DACH1: variants seen among roughly 807,000 people sequenced by gnomAD.
The protein encoded by DACH1 is dachshund homolog 1.
Under a neutral mutation model 54.2 loss-of-function variants are expected in DACH1, and 12 were observed. The observed-to-expected ratio is 0.22, with a 90% CI of 0.14 to 0.36. DACH1 has a LOEUF of 0.36. DACH1 is among the 10% of genes least tolerant of loss of function. DACH1 has a pLI of 1.00. For synonymous variants in DACH1, 386 were observed against 366.2 expected (o/e 1.05, Z -0.62); for missense variants, 805 against 929.8 (o/e 0.87, Z 1.75).
intron 1 of DACH1, among the ~76,000 whole-genome samples, chr13:71,692,545 A>G (rs1341481162): frequency 3.2e-5 from 2 of 62,466 alleles, no homozygotes; most frequent in African/African-American, 1.5e-4. Context: ...TTTTTGACGG[A>G]GTCTTGCTCT....
intron 1 of DACH1, among the ~76,000 whole-genome samples, chr13:71,779,345 C>T (rs962919028): frequency 1.4e-5 from 2 of 147,890 alleles, no homozygotes; most frequent in Non-Finnish European, 3.0e-5. Flanking sequence ...TAACAGAAAA[C>T]GTTTTAAGAG....
chr13:71,444,426 C>A (rs372272178), intron 10 of DACH1, among the ~76,000 whole-genome samples: 2 of 151,856 alleles, frequency 1.3e-5, no homozygotes, highest in East Asian at 1.9e-4. Flanking sequence ...TTAAAAAATA[C>A]GCAATGTTTC....
At chr13:71,572,737 T>C in intron 4 of DACH1, 103 bp downstream of exon 4, 2 of 1,258,852 alleles carry the variant, frequency 1.6e-6, no homozygotes, top group South Asian at 3.3e-5. Context: ...TACTATCACT[T>C]AGCTTTTTAG....
intron 1 of DACH1, among the ~76,000 whole-genome samples, chr13:71,745,832 A>G (rs532655002): frequency 6.6e-6 from 1 of 152,354 alleles, no homozygotes; most frequent in African/African-American, 2.4e-5. Context: ...AGGGGTTACC[A>G]TGTTCCACCA....
intron 1 of DACH1, among the ~76,000 whole-genome samples, chr13:71,859,215 C>T (rs1371636765): frequency 4.6e-5 from 7 of 151,666 alleles, no homozygotes; most frequent in African/African-American, 1.7e-4. Flanking sequence ...AGGACCACAC[C>T]TTTAACACAA....
intron 10 of DACH1, among the ~76,000 whole-genome samples, chr13:71,456,228 C>G (rs865903608): frequency 5.3e-5 from 8 of 152,026 alleles, no homozygotes; most frequent in Non-Finnish European, 1.0e-4. Context: ...AACTCTACAA[C>G]TAAACATGCA....
At chr13:71,460,693 T>A (rs1027916837) in intron 10 of DACH1, among the ~76,000 whole-genome samples, 4 of 152,054 alleles carry the variant, frequency 2.6e-5, no homozygotes, top group African/African-American at 9.7e-5. Context: ...GAGCAATAAG[T>A]CACTGGTTGA....
intron 1 of DACH1, among the ~76,000 whole-genome samples, chr13:71,857,442 G>A (rs1379265210): frequency 6.6e-6 from 1 of 151,392 alleles, no homozygotes; most frequent in Non-Finnish European, 1.5e-5. Flanking sequence ...ACATCCTACA[G>A]GTGTATATGT....
chr13:71,455,485 A>G (rs1280866304), intron 10 of DACH1, among the ~76,000 whole-genome samples: 1 of 152,208 alleles, frequency 6.6e-6, no homozygotes, highest in Non-Finnish European at 1.5e-5. Flanking sequence ...TTCCTTAAAG[A>G]GCAATATTAT....
intron 2 of DACH1, among the ~76,000 whole-genome samples, chr13:71,654,433 A>ATAAAATAAAATAAAG (rs1878921431): frequency 7.2e-6 from 1 of 139,182 alleles, no homozygotes. Flanking sequence ...ATAAAATAAA[A>ATAAAATAAAATAAAG]TAAAATAAAA....
At chr13:71,641,837 A>G (rs2138598761) in intron 2 of DACH1, among the ~76,000 whole-genome samples, 1 of 152,294 alleles carries the variant, frequency 6.6e-6, no homozygotes, top group Admixed American at 6.5e-5. Context: ...CTGTTCAAAA[A>G]ATAAATGGTG....
intron 1 of DACH1, among the ~76,000 whole-genome samples, chr13:71,783,964 T>TAAA (rs35579396): frequency 2.6e-5 from 3 of 116,192 alleles, no homozygotes; most frequent in Admixed American, 8.6e-5. Context: ...CTCCAAGGTT[T>TAAA]AAAAAAAAAA....
chr13:71,630,545 A>T lies in DACH1; in HGVS notation c.1126+11T>A. On this transcript the variant is annotated intron_variant, in intron 3 of 10. Transcript: ENST00000613252. Reference sequence around the variant, plus strand: ...GTGATCACAATAAGTTTCAGCGAACATAAAACTTACCGACACTTGAATTCA... The same window carrying T: ...GTGATCACAATAAGTTTCAGCGAACTTAAAACTTACCGACACTTGAATTCA... The T allele has an allele frequency of 6.3e-7, 1 of 1,577,564 alleles. No homozygotes were observed. Among genetic ancestry groups the T allele is most frequent in the Non-Finnish European group, 8.6e-7 (1 of 1,166,752 alleles).
chr13:71,782,923 T>TG (rs1432952591), intron 1 of DACH1, among the ~76,000 whole-genome samples: 2 of 152,236 alleles, frequency 1.3e-5, no homozygotes, highest in Non-Finnish European at 2.9e-5. Context: ...CCACCAAAAA[T>TG]ATTTTTTAAA....
At chr13:71,749,448 A>G (rs1884825913) in intron 1 of DACH1, among the ~76,000 whole-genome samples, 1 of 152,142 alleles carries the variant, frequency 6.6e-6, no homozygotes, top group Non-Finnish European at 1.5e-5. Flanking sequence ...GTTAAGAAAA[A>G]GTTGAACAAA....
At chr13:71,500,009 T>C (rs575401486) in intron 6 of DACH1, among the ~76,000 whole-genome samples, 1 of 152,090 alleles carries the variant, frequency 6.6e-6, no homozygotes, top group East Asian at 1.9e-4. Flanking sequence ...TTAAAAAAAA[T>C]TTCCAAATCA....
intron 1 of DACH1, among the ~76,000 whole-genome samples, chr13:71,743,936 C>T (rs1274804610): frequency 6.6e-6 from 1 of 152,010 alleles, no homozygotes; most frequent in African/African-American, 2.4e-5. Context: ...ATAAAAGCCC[C>T]CAACCCTGGA....
intron 1 of DACH1, among the ~76,000 whole-genome samples, chr13:71,691,838 A>G (rs941287885): frequency 2.0e-5 from 3 of 152,228 alleles, no homozygotes; most frequent in Non-Finnish European, 4.4e-5. Flanking sequence ...TACATAGAGA[A>G]TTACACTAAA....
chr13:71,554,381 T>C (rs1374776457), intron 6 of DACH1, among the ~76,000 whole-genome samples: 1 of 152,136 alleles, frequency 6.6e-6, no homozygotes, highest in African/African-American at 2.4e-5. Flanking sequence ...TTATTTGTCA[T>C]TATAAAATAT....
Sources: gnomAD v4.1 joint callset for allele counts (sites outside exome capture counted in the v4.1 genomes callset) on GRCh38, gnomAD v4.1.1 for gene constraint, MANE v1.5 for transcripts, NCBI Gene and HGNC (gene_info 2026-07-23, HGNC 2026-07-21) for gene names.